HCN1: variants seen among roughly 807,000 people sequenced by gnomAD.
HCN1 encodes potassium/sodium hyperpolarization-activated cyclic nucleotide-gated channel 1.
HCN1 carries 13 observed loss-of-function variants against 78.9 expected under a neutral mutation model. The ratio of observed to expected loss-of-function variants is 0.16; its 90% CI spans 0.11 to 0.26. HCN1 has a LOEUF of 0.26. Ranked by LOEUF, HCN1 falls within the 10% of genes least tolerant of loss-of-function variation. The probability of loss-of-function intolerance (pLI) is 1.00; values close to 1 mark genes in which losing one functional copy is unlikely to be tolerated. For missense variants in HCN1, 810 were observed against 1,154.3 expected (o/e 0.70, Z 4.32); for synonymous variants, 552 against 455.5 (o/e 1.21, Z -2.70).
chr5:45,451,233 T>C (rs1419048104), intron 3 of HCN1, among the ~76,000 whole-genome samples: 1 of 152,154 alleles, frequency 6.6e-6, no homozygotes, highest in Admixed American at 6.5e-5. Flanking sequence ...TGATCCTTTG[T>C]ATAAAAATCT....
In HCN1 at chr5:45,493,649, T is replaced by C. The variant is rs542463359; in HGVS notation, c.850-31642A>G. ...AGTTTTAGGGTACATGTGCACAATG[T>C]GCAGGTTAGTTACATATGTATACAT... On this transcript the variant is annotated intron_variant, in intron 2 of 7. Transcript: ENST00000303230. 2.0e-5 allele frequency among the ~76,000 whole-genome samples: 3 copies of C among 152,074 alleles called. No individual in the cohort carries two copies. The South Asian group carries it at 6.2e-4, about 32-fold the overall frequency.
intron 2 of HCN1, among the ~76,000 whole-genome samples, chr5:45,538,920 T>G (rs1188041246): frequency 6.6e-6 from 1 of 152,192 alleles, no homozygotes; most frequent in Non-Finnish European, 1.5e-5. Flanking sequence ...GAAATAAGAT[T>G]CCTAAGTCAC....
chr5:45,625,301 TCAAAACAAAACAAAA>T (rs72161613), intron 2 of HCN1, among the ~76,000 whole-genome samples: 1 of 151,502 alleles, frequency 6.6e-6, no homozygotes. Flanking sequence ...AGACTCTGTC[TCAAAACAAAACAAAA>T]CAAAACAAAA....
chr5:45,484,686 C>A, intron 2 of HCN1, among the ~76,000 whole-genome samples: 1 of 152,158 alleles, frequency 6.6e-6, no homozygotes, highest in East Asian at 1.9e-4. Flanking sequence ...GGACATTCCA[C>A]ATAACCCCTG....
chr5:45,267,317 G>T, intron 6 of HCN1, 64 bp from the exon 7 acceptor site: 7 of 1,476,554 alleles, frequency 4.7e-6, no homozygotes, highest in Non-Finnish European at 5.7e-6. Flanking sequence ...AGCCATTAAG[G>T]CTTCCCACAA....
intron 2 of HCN1, among the ~76,000 whole-genome samples, chr5:45,610,290 A>G (rs1744807686): frequency 6.6e-6 from 1 of 152,092 alleles, no homozygotes; most frequent in Non-Finnish European, 1.5e-5. Flanking sequence ...ATACCTCCCT[A>G]TAGAACTATC....
intron 5 of HCN1, among the ~76,000 whole-genome samples, chr5:45,326,742 A>T (rs929979133): frequency 6.6e-6 from 1 of 151,652 alleles, no homozygotes; most frequent in African/African-American, 2.4e-5. Flanking sequence ...TGTTTTCTGT[A>T]GTTACAGTTC....
Position 45,534,289 on chromosome 5 carries a change from C to T in HCN1, c.850-72282G>A, listed in dbSNP as rs181229520. On this transcript the variant is annotated intron_variant, in intron 2 of 7. Transcript: ENST00000303230. Reference sequence around the variant, plus strand: ...GCAGGCGCCTATAGTCCCAGCTACTCGGAGGCTGAGGCACGAGAATCACTT... The same window carrying T: ...GCAGGCGCCTATAGTCCCAGCTACTTGGAGGCTGAGGCACGAGAATCACTT... Among the ~76,000 whole-genome samples the T allele has an allele frequency of 2.2e-4, 33 of 150,668 alleles. 1 individual carries two copies. The East Asian group carries it at 6.1e-3, about 28-fold the overall frequency.
intron 3 of HCN1, 145 bp downstream of exon 3, chr5:45,461,701 A>G: frequency 1.3e-6 from 1 of 768,984 alleles, no homozygotes; most frequent in South Asian, 1.6e-5. Flanking sequence ...CACAAACATA[A>G]CATCTGATTT....
intron 4 of HCN1, among the ~76,000 whole-genome samples, chr5:45,356,473 A>G (rs113661347): frequency 0.012 from 1,773 of 152,126 alleles, 37 homozygotes; most frequent in African/African-American, 0.04. Context: ...CAAACCCACC[A>G]GTCTCACTTT....
intron 1 of HCN1, among the ~76,000 whole-genome samples, chr5:45,658,292 A>G (rs1430832022): frequency 2.0e-5 from 3 of 152,244 alleles, no homozygotes; most frequent in East Asian, 1.9e-4. Context: ...ACCCTAGAAG[A>G]AAACCTAGGC....
intron 7 of HCN1, among the ~76,000 whole-genome samples, chr5:45,265,036 A>G (rs1034299793): frequency 6.6e-6 from 1 of 152,088 alleles, no homozygotes; most frequent in Non-Finnish European, 1.5e-5. Flanking sequence ...TAAAAATACA[A>G]AATATTAGCA....
intron 1 of HCN1, among the ~76,000 whole-genome samples, chr5:45,653,187 T>C (rs1413437094): frequency 6.6e-6 from 1 of 152,014 alleles, no homozygotes; most frequent in African/African-American, 2.4e-5. Flanking sequence ...GATTTCCTTT[T>C]CCTAAACCCA....
intron 5 of HCN1, among the ~76,000 whole-genome samples, chr5:45,322,992 G>A (rs1746153147): frequency 6.6e-6 from 1 of 151,820 alleles, no homozygotes; most frequent in Admixed American, 6.6e-5. Context: ...TAGTGTGAGG[G>A]AGGAACTGAG....
chr5:45,569,823 A>G (rs1743787986), intron 2 of HCN1, among the ~76,000 whole-genome samples: 1 of 151,888 alleles, frequency 6.6e-6, no homozygotes. Flanking sequence ...CATTATTATC[A>G]TCATCATCAT....
chr5:45,481,133 A>G (rs188775440), intron 2 of HCN1, among the ~76,000 whole-genome samples: 1 of 152,326 alleles, frequency 6.6e-6, no homozygotes, highest in East Asian at 1.9e-4. Context: ...GTGAAGAGAG[A>G]TTCTGTAAAT....
chr5:45,302,938 C>T (rs1464191034), intron 6 of HCN1, among the ~76,000 whole-genome samples: 1 of 152,080 alleles, frequency 6.6e-6, no homozygotes, highest in Non-Finnish European at 1.5e-5. Context: ...CCATATAGAA[C>T]TCTAAGTCCA....
At chr5:45,472,107 GTTCTGTAGGTA>G (rs1253586924) in intron 2 of HCN1, among the ~76,000 whole-genome samples, 2 of 151,834 alleles carry the variant, frequency 1.3e-5, no homozygotes. Flanking sequence ...TCTCACCCTT[GTTCTGTAGGTA>G]TTCCAAGCTT....
At chr5:45,592,779 GC>G (rs1744401039) in intron 2 of HCN1, among the ~76,000 whole-genome samples, 3 of 152,060 alleles carry the variant, frequency 2.0e-5, no homozygotes, top group Non-Finnish European at 4.4e-5. Context: ...ACAGAATAAG[GC>G]CTTATAAACC....
Sources: gnomAD v4.1 joint callset for allele counts (sites outside exome capture counted in the v4.1 genomes callset) on GRCh38, gnomAD v4.1.1 for gene constraint, MANE v1.5 for transcripts, NCBI Gene and HGNC (gene_info 2026-07-23, HGNC 2026-07-21) for gene names.